The following POLE variants were observed in gnomAD, a reference collection of about 807,000 sequenced individuals.
POLE encodes DNA polymerase epsilon, catalytic subunit, also known as DNA polymerase epsilon catalytic subunit A.
Under a neutral mutation model 279.2 loss-of-function variants are expected in POLE, and 188 were observed. The ratio of observed to expected loss-of-function variants is 0.67; its 90% CI spans 0.60 to 0.76. The LOEUF is 0.76. Among genes scored for constraint, POLE ranks in the 30% least tolerant of loss-of-function variants. POLE has a pLI of 0.00. For synonymous variants in POLE, 1,214 were observed against 1,172.5 expected (o/e 1.04, Z -0.72); for missense variants, 2,703 against 3,016.7 (o/e 0.90, Z 2.44).
intron 29 of POLE, among the ~76,000 whole-genome samples, chr12:132,652,122 G>A (rs2042435285): frequency 6.6e-6 from 1 of 152,028 alleles, no homozygotes; most frequent in African/African-American, 2.4e-5. Flanking sequence ...ACAGTAATGA[G>A]CTCCCATGTT....
At chr12:132,686,395 T>TG (rs1274610752) in intron 1 of POLE, among the ~76,000 whole-genome samples, 2 of 151,972 alleles carry the variant, frequency 1.3e-5, no homozygotes, top group Non-Finnish European at 2.9e-5. Context: ...TATTAATAGC[T>TG]GGGACCTCGG....
intron 46 of POLE, 50 bp downstream of exon 46, chr12:132,626,067 C>T: frequency 1.3e-6 from 2 of 1,525,402 alleles, no homozygotes; most frequent in South Asian, 2.4e-5. Context: ...ACCGCAGTGC[C>T]CTCGGATGTT....
rs4883614 is a variant in POLE at position 132,643,735 on chromosome 12, T to A, written c.4290+102A>T. The A allele has an allele frequency of 0.61, 898,921 of 1,464,260 alleles. 280,455 individuals are homozygous for A. Among genetic ancestry groups the A allele is most frequent in the African/African-American group, 0.85 (61,279 of 71,802 alleles). 90.7% of individuals were successfully genotyped at this position (1,464,260 alleles called of 1,614,324 possible). A position where few individuals can be genotyped will look rare whatever the true frequency, so the allele number is the denominator to read the frequency against. On this transcript the variant is annotated intron_variant, in intron 33 of 48. Coordinates refer to ENST00000320574, the MANE Select transcript of POLE (RefSeq NM_006231.4). ...ACCTCACCTGTGGGAACGAGTCCAC[T>A]GTCGCTGCTGTTCCCCAGCCCACAC...
intron 9 of POLE, 66 bp from the exon 10 acceptor site, chr12:132,676,270 C>T (rs2043049617): frequency 9.7e-6 from 10 of 1,028,128 alleles, no homozygotes; most frequent in South Asian, 1.3e-5. Flanking sequence ...GCGTTCCCAC[C>T]CTGCCCACAC....
At position 132,662,871 on chromosome 12, in the gene POLE, C is replaced by T. The variant is rs144339681; in HGVS notation, c.2706+1133G>A. Among the ~76,000 whole-genome samples, 204 of 152,268 alleles carry T rather than the reference C, an allele frequency of 1.3e-3. 1 individual carries two copies. The East Asian group carries it at 0.013, about 10-fold the overall frequency. ...TAACCCTGGGATGTCCACTCTGATC[C>T]GCAAATCCACACTGATGTCAATAAG... is the stretch of plus-strand genomic sequence containing the variant. On this transcript the variant is annotated intron_variant, in intron 23 of 48. Coordinates refer to ENST00000320574, the MANE Select transcript of POLE (RefSeq NM_006231.4).
At position 132,643,869 on chromosome 12, in the gene POLE, C is replaced by T. The variant is rs1392252189; in HGVS notation, c.4258G>A (p.Ala1420Thr). Residue 1420 changes from alanine to threonine, a missense_variant, in exon 33 of 49, where the codon GCG becomes ACG. Physicochemically the swap from Ala to Thr is moderately conservative, Grantham distance 58. This residue lies in a region of POLE where 1,551 missense variants were observed against 1,686.1 expected (regional missense o/e 0.92). Transcript: ENST00000320574. ...HINEINAELS[A>T]PDIEGVYETQ... ...TCATATACGCCCTCGATGTCTGGCG[C>T]TGACAGCTCAGCGTTGATCTCGTTG... The T allele has an allele frequency of 2.5e-6, 4 of 1,614,218 alleles. No homozygotes were observed. In the South Asian group the frequency reaches 3.3e-5, roughly 13 times the overall value.
At chr12:132,685,878 A>AC (rs2043248453) in intron 1 of POLE, among the ~76,000 whole-genome samples, 1 of 143,424 alleles carries the variant, frequency 7.0e-6, no homozygotes, top group Non-Finnish European at 1.5e-5. Context: ...CGTTTTTTCT[A>AC]TTTTTTTTTT....
At chr12:132,631,554 T>TGA (rs1377492180) in intron 45 of POLE, among the ~76,000 whole-genome samples, 4 of 152,306 alleles carry the variant, frequency 2.6e-5, no homozygotes, top group Admixed American at 2.0e-4. Flanking sequence ...TAGCCGTGTG[T>TGA]GAGATGCAGT....
chr12:132,665,751 GT>G (rs1156401080), intron 20 of POLE, among the ~76,000 whole-genome samples: 5 of 152,076 alleles, frequency 3.3e-5, no homozygotes, highest in African/African-American at 1.2e-4. Context: ...GGGGTGCCTG[GT>G]AAAATCAATC....
intron 35 of POLE, 52 bp from the exon 36 acceptor site, chr12:132,643,048 G>A (rs1232915532): frequency 1.3e-6 from 2 of 1,531,800 alleles, no homozygotes; most frequent in Non-Finnish European, 1.8e-6. Flanking sequence ...GGAAGTGGGG[G>A]CAGCCCTGGG....
At chr12:132,633,057 C>A (rs897024477) in intron 43 of POLE, 1 of 357,328 alleles carries the variant, frequency 2.8e-6, no homozygotes, top group African/African-American at 2.1e-5. Flanking sequence ...AAGCCTCTCA[C>A]TGGGTAGCGC....
intron 20 of POLE, among the ~76,000 whole-genome samples, 177 bp from the exon 21 acceptor site, chr12:132,665,627 C>T (rs905000604): frequency 6.6e-6 from 1 of 152,130 alleles, no homozygotes; most frequent in African/African-American, 2.4e-5. Context: ...AATATTTTGT[C>T]ACACTTCCTT....
In POLE at chr12:132,634,964, T is replaced by A. The variant is rs764045303; in HGVS notation, c.5812-586A>T. Among the ~76,000 whole-genome samples the A allele has an allele frequency of 5.9e-5, 9 of 152,180 alleles. No individual in the cohort carries two copies. The highest frequency in any genetic ancestry group is 1.0e-4 in the Non-Finnish European group (7 of 68,020). ...AACCAGAATCGCTCCCATCCAGGTGTCCTGGGCAGTCTTGGCTTCATCCTG... is the reference window on the plus strand; with the variant it reads ...AACCAGAATCGCTCCCATCCAGGTGACCTGGGCAGTCTTGGCTTCATCCTG... On this transcript the variant is annotated intron_variant, in intron 42 of 48. Transcript: ENST00000320574. The surrounding 1 kb of genome is among the most constrained non-coding windows in gnomAD (Gnocchi z 4.0).
At position 132,635,579 on chromosome 12, in the gene POLE, A is replaced by G. The variant is rs5744995; in HGVS notation, c.5811+313T>C. On this transcript the variant is annotated intron_variant, in intron 42 of 48. Coordinates refer to ENST00000320574, the MANE Select transcript of POLE (RefSeq NM_006231.4). The stretch of plus-strand genomic sequence containing the variant: ...CTTGTGCTTTGCCTCCCTGGTGTCC[A>G]TCCGCTGGAGGCGCCTTATGCTCGC... Among the ~76,000 whole-genome samples, 11,848 of 152,334 alleles carry G rather than the reference A, an allele frequency of 0.078. 610 individuals carry two copies. The highest frequency in any genetic ancestry group is 0.11 in the Non-Finnish European group (7,462 of 68,024).
Position 132,635,941 on chromosome 12 carries a change from T to C in POLE, c.5762A>G (p.Asn1921Ser), listed in dbSNP as rs2138485650. ...WEFLLWMDPS[N>S]YGGIKGKVSS... ...AACTTTTCCTTTGATTCCGCCATAG[T>C]TAGATGGATCCATCCAGAGAAGAAA... The change falls in exon 42 of 49, where the codon AAC becomes AGC. Residue 1921 changes from asparagine (N) to serine (S), a missense_variant. This residue lies in a region of POLE where 1,551 missense variants were observed against 1,686.1 expected (regional missense o/e 0.92). Coordinates refer to ENST00000320574, the MANE Select transcript of POLE (RefSeq NM_006231.4). 6.2e-7 allele frequency: 1 copy of C among 1,613,944 alleles called. No homozygotes were observed. Among genetic ancestry groups the C allele is most frequent in the Middle Eastern group, 1.6e-4 (1 of 6,062 alleles).
intron 1 of POLE, among the ~76,000 whole-genome samples, chr12:132,685,239 A>G (rs1263208691): frequency 6.7e-6 from 1 of 149,960 alleles, no homozygotes; most frequent in African/African-American, 2.5e-5. Context: ...ACACCGTCCC[A>G]GTACTACACA....
chr12:132,672,161 C>T, intron 16 of POLE, 54 bp downstream of exon 16: 2 of 1,220,462 alleles, frequency 1.6e-6, no homozygotes, highest in Non-Finnish European at 2.4e-6. Flanking sequence ...AAGACGTGGT[C>T]TGTGAAGAAG....
chr12:132,678,888 T>C (rs2043110751), intron 6 of POLE, among the ~76,000 whole-genome samples: 1 of 152,222 alleles, frequency 6.6e-6, no homozygotes, highest in Non-Finnish European at 1.5e-5. Flanking sequence ...CCTTCCAATA[T>C]TTCAAAAAGC....
In POLE at chr12:132,664,044, G is replaced by C. The variant is rs768534409; in HGVS notation, c.2666C>G (p.Thr889Ser). The change falls in exon 23 of 49, where the codon ACC becomes AGC. Residue 889 changes from threonine (T) to serine (S), a missense_variant. Around this residue, in one of 5 missense-constraint regions of POLE, gnomAD observed 101 missense variants for 115.4 expected, o/e 0.87. Transcript: ENST00000320574. The surrounding 1 kb of genome is among the most constrained non-coding windows in gnomAD (Gnocchi z 5.3). Reference protein sequence around the residue: ...KTTNVKKPKVTISYPGAMLNI... With the variant: ...KTTNVKKPKVSISYPGAMLNI... Reference sequence around the variant, plus strand: ...CAACATGGCGCCTGGGTAGGAGATGGTCACTTTGGGCTTCTTCACATTGGT... The same window carrying C: ...CAACATGGCGCCTGGGTAGGAGATGCTCACTTTGGGCTTCTTCACATTGGT... 6.2e-6 allele frequency: 10 copies of C among 1,614,186 alleles called. No individual in the cohort carries two copies. Among genetic ancestry groups the C allele is most frequent in the Non-Finnish European group, 8.5e-6 (10 of 1,180,006 alleles).
Sources: gnomAD v4.1 joint callset for allele counts (sites outside exome capture counted in the v4.1 genomes callset) on GRCh38, gnomAD v4.1.1 for gene constraint, gnomAD v4.1.1 regional missense constraint, Gnocchi (gnomAD v3.1) non-coding constraint, MANE v1.5 for transcripts, NCBI Gene and HGNC (gene_info 2026-07-23, HGNC 2026-07-21) for gene names.